Variants in EP400 observed in about 807,000 individuals in gnomAD.
EP400 encodes the protein E1A-binding protein p400.
Under a neutral mutation model 354.1 loss-of-function variants are expected in EP400, and 105 were observed. That is an observed-to-expected ratio of 0.30 (90% CI 0.25 to 0.35). The LOEUF (loss-of-function observed/expected upper bound fraction) is 0.35, where lower values mean the gene tolerates loss of function less well. Ranked by LOEUF, EP400 falls within the 10% of genes least tolerant of loss-of-function variation. The pLI, the probability that EP400 is intolerant of heterozygous loss-of-function variation, is 1.00. For missense variants in EP400, 3,280 were observed against 4,121.0 expected (o/e 0.80, Z 5.59); for synonymous variants, 1,646 against 1,716.9 (o/e 0.96, Z 1.02).
rs527721639 is a variant in EP400 at position 131,963,697 on chromosome 12, G to C, written c.1335+1743G>C. The stretch of plus-strand genomic sequence containing the variant: ...TCATCCCAAACTTTTCCTTCATCCA[G>C]ATATTTTAACCTTCGATATACTACT... On this transcript the variant is annotated intron_variant, in intron 2 of 52. Coordinates refer to ENST00000389561, the MANE Select transcript of EP400 (RefSeq NM_015409.5). 6.2e-6 allele frequency: 9 copies of C among 1,447,854 alleles called. No individual in the cohort carries two copies. The African/African-American group carries it at 8.3e-5, about 13-fold the overall frequency. The allele number at this position is 1,447,854 out of a possible 1,614,324, so 89.7% of individuals were successfully genotyped here.
At chr12:131,992,835 G>C (rs1407314307) in intron 11 of EP400, among the ~76,000 whole-genome samples, 1 of 152,196 alleles carries the variant, frequency 6.6e-6, no homozygotes, top group African/African-American at 2.4e-5. Context: ...GCCAGGTAAG[G>C]CCTGCAGTTT....
intron 45 of EP400, among the ~76,000 whole-genome samples, chr12:132,061,211 C>T (rs998371298): frequency 6.6e-6 from 1 of 152,158 alleles, no homozygotes; most frequent in African/African-American, 2.4e-5. Flanking sequence ...CTTTGGCAAG[C>T]ATCCGTGGTA....
chr12:132,079,919 T>G lies in EP400; in HGVS notation c.*2246T>G, dbSNP rs533905948. ...CGTAAAAACTCTCCTTTTAGTGTGT[T>G]ATTTTCTTGGCCTTCCCTTTTAAAG... is the stretch of plus-strand genomic sequence containing the variant. On this transcript the variant is annotated 3_prime_UTR_variant, in exon 53 of 53. Transcript: ENST00000389561. 2.6e-5 allele frequency: 4 copies of G among 152,370 alleles called. No individual in the cohort carries two copies. Among genetic ancestry groups the G allele is most frequent in the African/African-American group, 4.8e-5 (2 of 41,588 alleles). The allele number at this position is 152,370 out of a possible 1,614,324, so 9.4% of individuals were successfully genotyped here. A position where few individuals can be genotyped will look rare whatever the true frequency, so the allele number is the denominator to read the frequency against.
Position 132,053,545 on chromosome 12 carries a change from C to T in EP400, c.7676C>T (p.Ala2559Val). The T allele has an allele frequency of 1.3e-6, 2 of 1,556,998 alleles. No individual in the cohort carries two copies. Among genetic ancestry groups the T allele is most frequent in the South Asian group, 2.3e-5 (2 of 85,904 alleles). The change falls in exon 43 of 53, where the codon GCC becomes GTC. Residue 2559 changes from alanine (A) to valine (V), a missense_variant. By Grantham distance (64) the Ala-to-Val change is moderately conservative. Around this residue, in one of 20 missense-constraint regions of EP400, gnomAD observed 255 missense variants for 295.9 expected, o/e 0.86. Coordinates refer to ENST00000389561, the MANE Select transcript of EP400 (RefSeq NM_015409.5). ...CAGACCCAGCCACAGCCTGTGCAGG[C>T]CCCAGCGAAGGCGCAGCCCGCAATC... is the stretch of plus-strand genomic sequence containing the variant. ...QPQTQPQPVQ[A>V]PAKAQPAITT...
At chr12:132,016,271 C>G (rs768347647) in intron 19 of EP400, among the ~76,000 whole-genome samples, 1 of 152,228 alleles carries the variant, frequency 6.6e-6, no homozygotes, top group Non-Finnish European at 1.5e-5. Context: ...TTCTCAGCCC[C>G]CATGCAATGT....
chr12:131,983,833 C>T (rs1224385691), intron 5 of EP400, among the ~76,000 whole-genome samples: 1 of 152,102 alleles, frequency 6.6e-6, no homozygotes, highest in Admixed American at 6.6e-5. Context: ...GCGCACACCA[C>T]TACACCTGGC....
At chr12:132,012,805 C>G (rs962400003) in intron 16 of EP400, among the ~76,000 whole-genome samples, 2 of 152,186 alleles carry the variant, frequency 1.3e-5, no homozygotes, top group Non-Finnish European at 1.5e-5. Context: ...GTCAACGAAA[C>G]TGCTTTAGAC....
rs996536086 is a variant in EP400, at chr12:132,025,387, C to A, written c.4856-259C>A. On this transcript the variant is annotated intron_variant, in intron 24 of 52. Transcript: ENST00000389561. This position sits in a 1 kb window ranked among gnomAD's most constrained non-coding sequence, Gnocchi z 4.1. ...GCAGGTCCTCAGCAGCTGTGTGTCA[C>A]CCACCTTCCATGAGGGACAGAGGGT... 6.6e-6 allele frequency among the ~76,000 whole-genome samples: 1 copy of A among 152,188 alleles called. No homozygotes were observed. The highest frequency in any genetic ancestry group is 2.4e-5 in the African/African-American group (1 of 41,434).
At chr12:132,020,916 A>G (rs998356706) in intron 22 of EP400, among the ~76,000 whole-genome samples, 163 bp from the exon 23 acceptor site, 13 of 152,216 alleles carry the variant, frequency 8.5e-5, no homozygotes, top group Non-Finnish European at 1.5e-4. Flanking sequence ...TATTTCTCTC[A>G]CCCTGTAAAC....
rs1185341524 is a variant in EP400, at chr12:132,017,644, T to G, written c.4033T>G (p.Ser1345Ala). 1 of 1,605,058 alleles carries G rather than the reference T, an allele frequency of 6.2e-7. No individual in the cohort carries two copies. Among genetic ancestry groups the G allele is most frequent in the Non-Finnish European group, 8.5e-7 (1 of 1,174,708 alleles). ...PGLVEPRHPG[S>A]SYVAGPLEYP... ...GCTCGTCGAGCCCCGGCACCCAGGC[T>G]CTTCCTACGTGGCGGGGCCACTGGA... The change falls in exon 20 of 53, where the codon TCT becomes GCT. Residue 1345 changes from serine to alanine, a missense_variant. This residue lies in a region of EP400 where 342 missense variants were observed against 342.7 expected (regional missense o/e 1.00). Transcript: ENST00000389561. The surrounding 1 kb of genome is among the most constrained non-coding windows in gnomAD (Gnocchi z 5.0).
At chr12:131,957,670 A>G (rs1439877344) in intron 1 of EP400, among the ~76,000 whole-genome samples, 3 of 151,998 alleles carry the variant, frequency 2.0e-5, no homozygotes, top group Non-Finnish European at 1.5e-5. Context: ...GTCTCGGCTC[A>G]CTGCAACCTC....
In EP400 at chr12:132,077,551, C is replaced by G. The variant is rs1422367440; in HGVS notation, c.9250C>G (p.Pro3084Ala). The G allele has an allele frequency of 6.2e-7, 1 of 1,613,796 alleles. No homozygotes were observed. Among genetic ancestry groups the G allele is most frequent in the East Asian group, 2.2e-5 (1 of 44,902 alleles). The change falls in exon 53 of 53, where the codon CCA (proline) becomes GCA (alanine). Residue 3084 changes from proline to alanine, a missense_variant. Physicochemically the swap from Pro to Ala is conservative, Grantham distance 27. This residue lies in a region of EP400 where 279 missense variants were observed against 386.7 expected (regional missense o/e 0.72). Transcript: ENST00000389561. ...CACGGCGTCGGCCCCGCTCCAGACT[C>G]CAGGCGCTCCCAACCCAGCCCAGGT... ...VTTASAPLQT[P>A]GAPNPAQVPA...
At chr12:132,060,415 A>G (rs2136603202) in intron 45 of EP400, among the ~76,000 whole-genome samples, 1 of 152,338 alleles carries the variant, frequency 6.6e-6, no homozygotes, top group African/African-American at 2.4e-5. Flanking sequence ...AATCCCAGTC[A>G]AGGATGAGAA....
chr12:132,011,457 C>G, intron 15 of EP400, 41 bp from the exon 16 acceptor site: 1 of 1,610,398 alleles, frequency 6.2e-7, no homozygotes, highest in Non-Finnish European at 8.5e-7. Flanking sequence ...CTGGACATGA[C>G]AGATACTTTG....
chr12:132,020,966 A>G (rs1894103863), intron 22 of EP400, 113 bp from the exon 23 acceptor site: 1 of 1,374,636 alleles, frequency 7.3e-7, no homozygotes, highest in African/African-American at 1.5e-5. Context: ...GGGACTTCTC[A>G]TTTGAGAGAC....
chr12:132,039,578 C>T (rs960543501), intron 32 of EP400, among the ~76,000 whole-genome samples: 2 of 152,192 alleles, frequency 1.3e-5, no homozygotes, highest in African/African-American at 4.8e-5. Flanking sequence ...CTGCCCCCAA[C>T]CCCGCCACCA....
Position 131,987,765 on chromosome 12 carries a change from C to A in EP400, c.2284C>A (p.Arg762Ser). ...GAAAGCAGGTCTGTGGTCCCAGAGG[C>A]GTCTGCCAAAGCTGCAGGAGGCCCC... Reference protein sequence around the residue: ...LRKAGLWSQRRLPKLQEAPRP... With the variant: ...LRKAGLWSQRSLPKLQEAPRP... The change falls in exon 7 of 53, where the codon CGT (arginine) becomes AGT (serine). Residue 762 changes from arginine (R) to serine (S), a missense_variant. Physicochemically the swap from Arg to Ser is moderately radical, Grantham distance 110. This residue lies in a region of EP400 where 800 missense variants were observed against 840.0 expected (regional missense o/e 0.95). Transcript: ENST00000389561. The A allele has an allele frequency of 2.5e-6, 4 of 1,612,016 alleles. No homozygotes were observed. The highest frequency in any genetic ancestry group is 3.4e-6 in the Non-Finnish European group (4 of 1,179,714).
At chr12:131,999,132 T>C (rs1414506436) in intron 12 of EP400, among the ~76,000 whole-genome samples, 1 of 151,946 alleles carries the variant, frequency 6.6e-6, no homozygotes, top group Non-Finnish European at 1.5e-5. Flanking sequence ...GAGTCATAAC[T>C]GCATGGTTCA....
Position 132,006,715 on chromosome 12 carries a change from C to T in EP400, c.3142C>T (p.Pro1048Ser). The change falls in exon 15 of 53, where the codon CCA becomes TCA. Residue 1048 changes from proline to serine, a missense_variant. Pro to Ser is a moderately conservative substitution (Grantham distance 74). This residue lies in a region of EP400 where 800 missense variants were observed against 840.0 expected (regional missense o/e 0.95). Transcript: ENST00000389561. ...RVTTSVKFNAPSLLYGALRDY... is the reference protein window; with the variant it reads ...RVTTSVKFNASSLLYGALRDY... Reference sequence around the variant, plus strand: ...ATCACTGCAGGTCAAGTTTAATGCTCCATCTTTGTTGTATGGGGCTCTCAG... The same window carrying T: ...ATCACTGCAGGTCAAGTTTAATGCTTCATCTTTGTTGTATGGGGCTCTCAG... 1 of 1,596,466 alleles carries T rather than the reference C, an allele frequency of 6.3e-7. No individual in the cohort carries two copies. The highest frequency in any genetic ancestry group is 8.5e-7 in the Non-Finnish European group (1 of 1,173,452).
Sources: gnomAD v4.1 joint callset for allele counts (sites outside exome capture counted in the v4.1 genomes callset) on GRCh38, gnomAD v4.1.1 for gene constraint, gnomAD v4.1.1 regional missense constraint, Gnocchi (gnomAD v3.1) non-coding constraint, MANE v1.5 for transcripts, NCBI Gene and HGNC (gene_info 2026-07-23, HGNC 2026-07-21) for gene names.